The following ATRN variants were observed in gnomAD, a reference collection of about 807,000 sequenced individuals.
ATRN encodes attractin, also known as attractin-2.
Under a neutral mutation model 178.7 loss-of-function variants are expected in ATRN, and 54 were observed. That is an observed-to-expected ratio of 0.30 (90% CI 0.24 to 0.38). The LOEUF (loss-of-function observed/expected upper bound fraction) is 0.38. Among genes scored for constraint, ATRN ranks in the 10% least tolerant of loss-of-function variants. ATRN has a pLI of 1.00. For missense variants in ATRN, 1,443 were observed against 1,815.1 expected (o/e 0.79, Z 3.73); for synonymous variants, 636 against 663.0 (o/e 0.96, Z 0.63).
intron 1 of ATRN, among the ~76,000 whole-genome samples, chr20:3,531,543 C>T (rs75451208): frequency 0.04 from 6,065 of 152,124 alleles, 160 homozygotes; most frequent in Non-Finnish European, 0.057. Context: ...AGGTGGGATA[C>T]TATGCTACAT....
At position 3,575,924 on chromosome 20, in the gene ATRN, GAAC is replaced by G; in HGVS notation, c.2191_2193del (p.Asn731del). 6.2e-7 allele frequency: 1 copy of G among 1,614,074 alleles called. No homozygotes were observed. Among genetic ancestry groups the G allele is most frequent in the East Asian group, 2.2e-5 (1 of 44,874 alleles). On this transcript the variant is annotated inframe_deletion, in exon 13 of 29. Coordinates refer to ENST00000262919, the MANE Select transcript of ATRN (RefSeq NM_139321.3). Reference sequence around the variant, plus strand: ...GGTGCAATGACCATTGTGTCCCCAGGAACCACAGCTGCTCAGAAGGCCAGGTCA... The same window carrying G: ...GGTGCAATGACCATTGTGTCCCCAGGCACAGCTGCTCAGAAGGCCAGGTCA...
At chr20:3,477,709 A>G (rs1341377526) in intron 1 of ATRN, among the ~76,000 whole-genome samples, 1 of 152,108 alleles carries the variant, frequency 6.6e-6, no homozygotes, top group Non-Finnish European at 1.5e-5. Context: ...GTGCAATGTA[A>G]GTTCCATGAG....
rs1163552730 is a variant in ATRN at position 3,471,413 on chromosome 20, C to T, written c.306C>T (p.Asp102=). The T allele has an allele frequency of 2.0e-6, 3 of 1,485,178 alleles. No individual in the cohort carries two copies. Among genetic ancestry groups the T allele is most frequent in the Middle Eastern group, 3.7e-4 (2 of 5,344 alleles). 92.0% of individuals were successfully genotyped at this position (1,485,178 alleles called of 1,614,324 possible). A position where few individuals can be genotyped will look rare whatever the true frequency, so the allele number is the denominator to read the frequency against. ...GSAAAEAKEC[D]RPCVNGGRCN... is the part of the protein sequence containing the mutation. Reference sequence around the variant, plus strand: ...CCGCAGCCGAGGCCAAGGAATGTGACCGGCCCTGTGTCAACGGCGGTCGCT... The same window carrying T: ...CCGCAGCCGAGGCCAAGGAATGTGATCGGCCCTGTGTCAACGGCGGTCGCT... The change falls in exon 1 of 29, where the codon GAC becomes GAT. Residue 102 remains aspartate, a synonymous_variant. Transcript: ENST00000262919.
intron 24 of ATRN, among the ~76,000 whole-genome samples, chr20:3,613,079 T>C (rs2086788651): frequency 6.6e-6 from 1 of 152,214 alleles, no homozygotes; most frequent in Admixed American, 6.5e-5. Flanking sequence ...CAAGGAGATG[T>C]TGATTTTCTT....
intron 1 of ATRN, among the ~76,000 whole-genome samples, chr20:3,497,827 A>T (rs1313769884): frequency 6.6e-6 from 1 of 152,152 alleles, no homozygotes. Context: ...GTCTTTTCAC[A>T]TAGTCCCATA....
At chr20:3,624,100 G>T (rs1300226487) in intron 24 of ATRN, among the ~76,000 whole-genome samples, 1 of 152,230 alleles carries the variant, frequency 6.6e-6, no homozygotes, top group Non-Finnish European at 1.5e-5. Flanking sequence ...GTACATAAAT[G>T]TTGACCAAAT....
chr20:3,567,083 A>C (rs1485689405), intron 11 of ATRN, among the ~76,000 whole-genome samples: 1 of 152,188 alleles, frequency 6.6e-6, no homozygotes, highest in African/African-American at 2.4e-5. Context: ...TGACAGCTAG[A>C]GACTAAAATG....
chr20:3,502,467 G>A (rs534408178), intron 1 of ATRN, among the ~76,000 whole-genome samples: 52 of 152,206 alleles, frequency 3.4e-4, no homozygotes, highest in African/African-American at 1.2e-3. Context: ...ACCTAGACCC[G>A]GTGTTTCCTG....
intron 6 of ATRN, among the ~76,000 whole-genome samples, chr20:3,554,881 A>G (rs1002459047): frequency 6.6e-6 from 1 of 152,032 alleles, no homozygotes; most frequent in East Asian, 1.9e-4. Flanking sequence ...TTAAGTTTAA[A>G]AAAAAATAGT....
At chr20:3,634,464 GT>G in intron 26 of ATRN, 75 bp downstream of exon 26, 3 of 1,383,884 alleles carry the variant, frequency 2.2e-6, no homozygotes, top group Non-Finnish European at 3.1e-6. Flanking sequence ...AAGCAAGTGG[GT>G]TTTAGCTATT....
At chr20:3,506,328 A>C (rs2085043616) in intron 1 of ATRN, among the ~76,000 whole-genome samples, 1 of 152,176 alleles carries the variant, frequency 6.6e-6, no homozygotes, top group Admixed American at 6.5e-5. Flanking sequence ...GAAGACATTA[A>C]AAGTAAATGC....
chr20:3,499,488 A>G (rs1423715402), intron 1 of ATRN, among the ~76,000 whole-genome samples: 1 of 150,724 alleles, frequency 6.6e-6, no homozygotes, highest in African/African-American at 2.4e-5. Context: ...AAACAGAGAT[A>G]TAGATCAATG....
intron 1 of ATRN, among the ~76,000 whole-genome samples, chr20:3,482,371 A>G (rs2084634316): frequency 6.6e-6 from 1 of 151,968 alleles, no homozygotes; most frequent in African/African-American, 2.4e-5. Flanking sequence ...TCCTGTCCTA[A>G]TGTTTGATAT....
chr20:3,479,187 G>T (rs2084581502), intron 1 of ATRN, among the ~76,000 whole-genome samples: 1 of 152,070 alleles, frequency 6.6e-6, no homozygotes, highest in African/African-American at 2.4e-5. Flanking sequence ...CACTGCACCT[G>T]ACCCCTATTA....
intron 27 of ATRN, among the ~76,000 whole-genome samples, chr20:3,643,278 A>T (rs1038129407): frequency 1.3e-5 from 2 of 152,244 alleles, no homozygotes; most frequent in Non-Finnish European, 2.9e-5. Flanking sequence ...CTCTCGGCAG[A>T]GAACCCTACA....
chr20:3,551,295 A>G (rs951080058), intron 6 of ATRN, among the ~76,000 whole-genome samples: 2 of 152,146 alleles, frequency 1.3e-5, no homozygotes, highest in Non-Finnish European at 1.5e-5. Flanking sequence ...ACGAAATGGG[A>G]TGGTCACCCT....
intron 1 of ATRN, among the ~76,000 whole-genome samples, chr20:3,519,853 C>A (rs1600067373): frequency 6.6e-6 from 1 of 152,222 alleles, no homozygotes; most frequent in Non-Finnish European, 1.5e-5. Context: ...AGTGGATTAG[C>A]ATCTAGAGCT....
intron 27 of ATRN, 77 bp downstream of exon 27, chr20:3,639,012 G>A (rs2087046715): frequency 1.7e-6 from 2 of 1,162,360 alleles, no homozygotes; most frequent in African/African-American, 3.1e-5. Context: ...ACCAGAGAGA[G>A]CAAAAGCCCT....
At chr20:3,608,211 T>A (rs2086704389) in intron 24 of ATRN, among the ~76,000 whole-genome samples, 1 of 152,266 alleles carries the variant, frequency 6.6e-6, no homozygotes, top group Non-Finnish European at 1.5e-5. Flanking sequence ...TTTGGCTTGA[T>A]ATAATCCCAT....
Sources: allele counts gnomAD v4.1 joint callset (sites outside exome capture counted in the v4.1 genomes callset), GRCh38; gene constraint gnomAD v4.1.1; transcripts MANE v1.5; gene names NCBI Gene and HGNC (gene_info 2026-07-23, HGNC 2026-07-21).